Variants in FAT3 observed in about 807,000 individuals in gnomAD.
FAT3 encodes the protein protocadherin Fat 3.
A neutral mutation model predicts 310.2 loss-of-function variants in FAT3; 95 were observed. The observed-to-expected ratio is 0.31, with a 90% CI of 0.26 to 0.36. The LOEUF is 0.36. FAT3 is among the 10% of genes least tolerant of loss of function. The pLI is 1.00. For synonymous variants in FAT3, 2,314 were observed against 2,192.9 expected, an observed-to-expected ratio of 1.06 and a Z score of -1.54; for missense variants, 5,408 against 5,715.6, an observed-to-expected ratio of 0.95 and a Z score of 1.74.
chr11:92,490,916 TAGGATCA>T (rs1165919136), intron 2 of FAT3, among the ~76,000 whole-genome samples: 5 of 152,048 alleles, frequency 3.3e-5, no homozygotes, highest in African/African-American at 1.2e-4. Flanking sequence ...TAGGAAAACT[TAGGATCA>T]AGGTCCAAGG....
rs76778417 is a variant in FAT3 at position 92,600,229 on chromosome 11, A to G, written c.3607+75281A>G. 8.5e-5 allele frequency among the ~76,000 whole-genome samples: 13 copies of G among 152,300 alleles called. No homozygotes were observed. In the East Asian group the frequency reaches 2.5e-3, roughly 29 times the overall value. On this transcript the variant is annotated intron_variant, in intron 3 of 27. Transcript: ENST00000525166. ...GTGAATGGAGAAGCTGTAAAATCATAGTTGCTAAAATTATGCCTTAAAAAA... is the reference window on the plus strand; with the variant it reads ...GTGAATGGAGAAGCTGTAAAATCATGGTTGCTAAAATTATGCCTTAAAAAA...
intron 2 of FAT3, among the ~76,000 whole-genome samples, chr11:92,417,738 A>G (rs779156836): frequency 9.9e-5 from 15 of 152,002 alleles, no homozygotes; most frequent in East Asian, 7.7e-4. Context: ...TTGATGAGAG[A>G]AAATTGACTA....
At chr11:92,301,107 G>A (rs1315094561) in intron 1 of FAT3, among the ~76,000 whole-genome samples, 1 of 152,040 alleles carries the variant, frequency 6.6e-6, no homozygotes, top group African/African-American at 2.4e-5. Flanking sequence ...GGGCAGCATG[G>A]GGTCAGACTT....
intron 2 of FAT3, among the ~76,000 whole-genome samples, chr11:92,466,762 G>A: frequency 8.2e-6 from 1 of 121,302 alleles, no homozygotes; most frequent in Non-Finnish European, 1.6e-5. Flanking sequence ...TCCCCAGAGT[G>A]TGATGTTCCG....
chr11:92,853,388 A>C (rs534186494), intron 19 of FAT3, among the ~76,000 whole-genome samples: 2 of 152,354 alleles, frequency 1.3e-5, no homozygotes, highest in East Asian at 3.9e-4. Flanking sequence ...GGAACCACAG[A>C]ACCTCAAAGA....
At chr11:92,667,553 G>A (rs1001818718) in intron 3 of FAT3, among the ~76,000 whole-genome samples, 1 of 152,172 alleles carries the variant, frequency 6.6e-6, no homozygotes, top group African/African-American at 2.4e-5. Flanking sequence ...AAGCCAGAGT[G>A]CTGACAGTCA....
At chr11:92,355,483 G>A in intron 2 of FAT3, 79 bp downstream of exon 2, 1 of 1,378,484 alleles carries the variant, frequency 7.3e-7, no homozygotes, top group Non-Finnish European at 9.9e-7. Flanking sequence ...AGGGATGTTA[G>A]GACACTAAAA....
At chr11:92,301,994 G>A (rs1387339261) in intron 1 of FAT3, among the ~76,000 whole-genome samples, 1 of 152,032 alleles carries the variant, frequency 6.6e-6, no homozygotes, top group Non-Finnish European at 1.5e-5. Flanking sequence ...GTTAACTGCT[G>A]AAACTCTGCT....
intron 2 of FAT3, among the ~76,000 whole-genome samples, chr11:92,494,328 C>T (rs1440589495): frequency 1.3e-5 from 2 of 151,958 alleles, no homozygotes; most frequent in Non-Finnish European, 2.9e-5. Context: ...CTATCATCTA[C>T]TTAGGGATAA....
chr11:92,251,900 G>T (rs1196448229), intron 1 of FAT3, among the ~76,000 whole-genome samples: 1 of 152,084 alleles, frequency 6.6e-6, no homozygotes, highest in Non-Finnish European at 1.5e-5. Flanking sequence ...ATCCAGAAAG[G>T]CTCTATCAGC....
chr11:92,234,988 T>G (rs1264642496), intron 1 of FAT3, among the ~76,000 whole-genome samples: 3 of 151,740 alleles, frequency 2.0e-5, no homozygotes, highest in African/African-American at 7.3e-5. Flanking sequence ...GGAGAATCGC[T>G]TCAACCTAGG....
chr11:92,265,126 T>C (rs2134317807), intron 1 of FAT3, among the ~76,000 whole-genome samples: 1 of 152,048 alleles, frequency 6.6e-6, no homozygotes, highest in Non-Finnish European at 1.5e-5. Context: ...CAGGACTCAG[T>C]ATGTGAATTA....
At position 92,891,376 on chromosome 11, in the gene FAT3, A is replaced by G; in HGVS notation, c.*263A>G. On this transcript the variant is annotated 3_prime_UTR_variant, in exon 28 of 28. Coordinates refer to ENST00000525166, the MANE Select transcript of FAT3 (RefSeq NM_001367949.2). ...TATGTTCACAGCTAAAAATGCAAAG[A>G]GGGAAAAATTATTTCACCCACTAAG... 1 of 504,572 alleles carries G rather than the reference A, an allele frequency of 2.0e-6. No homozygotes were observed. The highest frequency in any genetic ancestry group is 2.1e-5 in the South Asian group (1 of 47,452). 31.3% of individuals were successfully genotyped at this position (504,572 alleles called of 1,614,324 possible).
intron 1 of FAT3, among the ~76,000 whole-genome samples, chr11:92,226,558 C>T (rs1344396451): frequency 6.6e-6 from 1 of 151,644 alleles, no homozygotes; most frequent in East Asian, 2.0e-4. Context: ...GGCTGCAGCT[C>T]GCTGGAATAA....
chr11:92,238,969 A>G (rs1864552280), intron 1 of FAT3, among the ~76,000 whole-genome samples: 1 of 152,026 alleles, frequency 6.6e-6, no homozygotes, highest in Non-Finnish European at 1.5e-5. Context: ...CTTTTCATTC[A>G]TTTTTGCGTT....
At chr11:92,696,122 AT>A (rs1565519658) in intron 3 of FAT3, among the ~76,000 whole-genome samples, 1 of 46,358 alleles carries the variant, frequency 2.2e-5, no homozygotes, top group African/African-American at 8.8e-5. Flanking sequence ...TATATATACC[AT>A]GTGTATATAT....
In FAT3 at chr11:92,800,719, G is replaced by C. The variant is rs762273611; in HGVS notation, c.7706G>C (p.Ser2569Thr). 6.2e-6 allele frequency: 10 copies of C among 1,613,786 alleles called. No individual in the cohort carries two copies. In the Admixed American group the frequency reaches 1.7e-4, roughly 27 times the overall value. Residue 2569 changes from serine (S) to threonine (T), a missense_variant, in exon 10 of 28, where the codon AGT becomes ACT. Transcript: ENST00000525166. ...GAAAACCCTCTAGAAGGGGATGTTAGTATTTTTGTGAGGGCCCTTGATGGT... is the reference window on the plus strand; with the variant it reads ...GAAAACCCTCTAGAAGGGGATGTTACTATTTTTGTGAGGGCCCTTGATGGT... ...DRENPLEGDVSIFVRALDGGG... is the reference protein window; with the variant it reads ...DRENPLEGDVTIFVRALDGGG...
At chr11:92,706,326 A>C (rs1432115564) in intron 4 of FAT3, among the ~76,000 whole-genome samples, 1 of 152,134 alleles carries the variant, frequency 6.6e-6, no homozygotes, top group Non-Finnish European at 1.5e-5. Context: ...ATTAATTCTC[A>C]GAGCTAGTAC....
At chr11:92,281,329 CTTTATA>C (rs1215293082) in intron 1 of FAT3, among the ~76,000 whole-genome samples, 8 of 152,162 alleles carry the variant, frequency 5.3e-5, no homozygotes, top group East Asian at 3.9e-4. Context: ...ATTTTTATAT[CTTTATA>C]TTTATAATTT....
Sources: allele counts gnomAD v4.1 joint callset (sites outside exome capture counted in the v4.1 genomes callset), GRCh38; gene constraint gnomAD v4.1.1; transcripts MANE v1.5; gene names NCBI Gene and HGNC (gene_info 2026-07-23, HGNC 2026-07-21).